Variants in CD74 observed in about 807,000 individuals in gnomAD.
CD74 encodes HLA class II histocompatibility antigen gamma chain.
A neutral mutation model predicts 37.1 loss-of-function variants in CD74; 20 were observed. The observed-to-expected ratio is 0.54, with a 90% CI of 0.38 to 0.78. The LOEUF (loss-of-function observed/expected upper bound fraction) is 0.78, where lower values mean the gene tolerates loss of function less well. CD74 is among the 30% of genes least tolerant of loss of function. The pLI is 0.00. For missense variants in CD74, 338 were observed against 389.5 expected (o/e 0.87, Z 1.11); for synonymous variants, 150 against 152.0 (o/e 0.99, Z 0.10).
In CD74 at chr5:150,403,413, C is replaced by T. The variant is rs1274689936; in HGVS notation, c.626-101G>A. 9.5e-7 allele frequency: 1 copy of T among 1,057,418 alleles called. No homozygotes were observed. Among genetic ancestry groups the T allele is most frequent in the Non-Finnish European group, 1.4e-6 (1 of 694,042 alleles). 65.5% of individuals were successfully genotyped at this position (1,057,418 alleles called of 1,614,324 possible). On this transcript the variant is annotated intron_variant, in intron 6 of 8. Transcript: ENST00000009530. This position sits in a 1 kb window ranked among gnomAD's most constrained non-coding sequence, Gnocchi z 4.5. Reference sequence around the variant, plus strand: ...ACACACCACTGCTGTGGGCTTAATGCCTTCTTCCCAAGTGGCTTTACTCAC... The same window carrying T: ...ACACACCACTGCTGTGGGCTTAATGTCTTCTTCCCAAGTGGCTTTACTCAC...
At position 150,406,247 on chromosome 5, in the gene CD74, C is replaced by A; in HGVS notation, c.441+12G>T. 6.2e-7 allele frequency: 1 copy of A among 1,611,708 alleles called. No individual in the cohort carries two copies. The highest frequency in any genetic ancestry group is 1.7e-5 in the Admixed American group (1 of 60,028). ...GGCAGGCAGGACCACCCAGCTAGCTCCCTGCACTCACCTGGAGCAGGTGCA... is the reference window on the plus strand; with the variant it reads ...GGCAGGCAGGACCACCCAGCTAGCTACCTGCACTCACCTGGAGCAGGTGCA... On this transcript the variant is annotated intron_variant, in intron 4 of 8. Transcript: ENST00000009530.
In CD74 at chr5:150,401,797, C is replaced by T; in HGVS notation, c.*443G>A. 1.6e-6 allele frequency: 1 copy of T among 618,296 alleles called. No homozygotes were observed. The highest frequency in any genetic ancestry group is 2.9e-6 in the Non-Finnish European group (1 of 345,262). 38.3% of individuals were successfully genotyped at this position (618,296 alleles called of 1,614,324 possible). A position where few individuals can be genotyped will look rare whatever the true frequency, so the allele number is the denominator to read the frequency against. Reference sequence around the variant, plus strand: ...ATGCTGGGGAAAGGGAAGAGAGTGGCTCAGCCTGCAGGTAAATAGGCTAGA... The same window carrying T: ...ATGCTGGGGAAAGGGAAGAGAGTGGTTCAGCCTGCAGGTAAATAGGCTAGA... On this transcript the variant is annotated 3_prime_UTR_variant, in exon 9 of 9. Coordinates refer to ENST00000009530, the MANE Select transcript of CD74 (RefSeq NM_001025159.3).
chr5:150,402,095 C>T lies in CD74; in HGVS notation c.*145G>A, dbSNP rs1769651558. On this transcript the variant is annotated 3_prime_UTR_variant, in exon 9 of 9. Coordinates refer to ENST00000009530, the MANE Select transcript of CD74 (RefSeq NM_001025159.3). This position sits in a 1 kb window ranked among gnomAD's most constrained non-coding sequence, Gnocchi z 4.2. The stretch of plus-strand genomic sequence containing the variant: ...GCTGTTCCGACTTGGTTTGTCTTGT[C>T]CAAGGGTGACGAAAGAGCCAGGCAC... 6.5e-7 allele frequency: 1 copy of T among 1,544,230 alleles called. No individual in the cohort carries two copies.
chr5:150,407,147 C>A lies in CD74; in HGVS notation c.298+5G>T. 6.2e-7 allele frequency: 1 copy of A among 1,612,684 alleles called. No homozygotes were observed. The highest frequency in any genetic ancestry group is 8.5e-7 in the Non-Finnish European group (1 of 1,179,238). ...GGGGGTATCAGGATGTAGGGGTGCA[C>A]GCACGCTTGGGAAGCTTCATGCGCA... On this transcript the variant is annotated splice_donor_5th_base_variant and intron_variant, in intron 2 of 8. Transcript: ENST00000009530. The surrounding 1 kb of genome is among the most constrained non-coding windows in gnomAD (Gnocchi z 4.4).
intron 1 of CD74, among the ~76,000 whole-genome samples, chr5:150,412,242 G>A (rs1428725744): frequency 6.6e-6 from 1 of 152,252 alleles, no homozygotes. Flanking sequence ...TGGGATTACA[G>A]GCGGGAGCCA....
chr5:150,410,147 G>A (rs1770256316), intron 1 of CD74, among the ~76,000 whole-genome samples: 1 of 152,094 alleles, frequency 6.6e-6, no homozygotes, highest in African/African-American at 2.4e-5. Context: ...AAGGAACACG[G>A]GTGGCCTAGC....
intron 4 of CD74, 83 bp downstream of exon 4, chr5:150,406,176 C>A: frequency 1.0e-6 from 1 of 964,940 alleles, no homozygotes; most frequent in Non-Finnish European, 1.7e-6. Flanking sequence ...CTGCCATGAG[C>A]CAGGTATACA....
At position 150,402,043 on chromosome 5, in the gene CD74, C is replaced by G; in HGVS notation, c.*197G>C. The G allele has an allele frequency of 6.5e-7, 1 of 1,537,144 alleles. No homozygotes were observed. The highest frequency in any genetic ancestry group is 8.7e-7 in the Non-Finnish European group (1 of 1,146,774). ...CCCCTGTTGACAGATGGAGATTGGG[C>G]AGCAGGGCCTTGCTGCATTGTTATC... On this transcript the variant is annotated 3_prime_UTR_variant, in exon 9 of 9. Transcript: ENST00000009530. This position sits in a 1 kb window ranked among gnomAD's most constrained non-coding sequence, Gnocchi z 4.2.
rs1769659147 is a variant in CD74, at chr5:150,402,159, G to T, written c.*81C>A. ...GATGAGGTACAGGGTGGGAGATGGGGGAGGGGCTGGGGGCTGAAGGGAGCA... is the reference window on the plus strand; with the variant it reads ...GATGAGGTACAGGGTGGGAGATGGGTGAGGGGCTGGGGGCTGAAGGGAGCA... On this transcript the variant is annotated 3_prime_UTR_variant, in exon 9 of 9. Transcript: ENST00000009530. The surrounding 1 kb of genome is among the most constrained non-coding windows in gnomAD (Gnocchi z 4.2). 6.4e-7 allele frequency: 1 copy of T among 1,559,174 alleles called. No individual in the cohort carries two copies. The highest frequency in any genetic ancestry group is 2.4e-5 in the East Asian group (1 of 42,318).
At chr5:150,412,518 G>A (rs1770404701) in intron 1 of CD74, 107 bp downstream of exon 1, 1 of 855,042 alleles carries the variant, frequency 1.2e-6, no homozygotes, top group South Asian at 1.4e-5. Context: ...TAGAGTCAGA[G>A]CCTGAATCCC....
chr5:150,407,047 A>G lies in CD74; in HGVS notation c.299-87T>C. ...CAGATGAGGAAGGGCTGGAATTCCA[A>G]ACCGGAGGGAGAGGACAGTGGGCCC... On this transcript the variant is annotated intron_variant, in intron 2 of 8. Transcript: ENST00000009530. This position sits in a 1 kb window ranked among gnomAD's most constrained non-coding sequence, Gnocchi z 4.4. The G allele has an allele frequency of 6.5e-7, 1 of 1,537,306 alleles. No individual in the cohort carries two copies. Among genetic ancestry groups the G allele is most frequent in the Non-Finnish European group, 8.9e-7 (1 of 1,124,858 alleles).
rs1005999191 is a variant in CD74, at chr5:150,411,547, G to C, written c.125+1078C>G. On this transcript the variant is annotated intron_variant, in intron 1 of 8. Coordinates refer to ENST00000009530, the MANE Select transcript of CD74 (RefSeq NM_001025159.3). ...ATCGCAAATTACTTTTTGGAGACTG[G>C]GGGTAGCAGGGGCATTGGGGTAATA... Among the ~76,000 whole-genome samples the C allele has an allele frequency of 6.6e-5, 10 of 152,314 alleles. No individual in the cohort carries two copies. In the South Asian group the frequency reaches 8.3e-4, roughly 13 times the overall value.
In CD74 at chr5:150,403,320, G is replaced by A. The variant is rs367746996; in HGVS notation, c.626-8C>T. 1.4e-5 allele frequency: 22 copies of A among 1,613,222 alleles called. No homozygotes were observed. The highest frequency in any genetic ancestry group is 1.0e-4 in the Admixed American group (6 of 59,996). ...CCTGGCACTTGGTCAGTACTGAAGC[G>A]ACAGGCATGATGAGGACACAGTGAG... On this transcript the variant is annotated splice_region_variant and splice_polypyrimidine_tract_variant and intron_variant, in intron 6 of 8. Transcript: ENST00000009530. The surrounding 1 kb of genome is among the most constrained non-coding windows in gnomAD (Gnocchi z 4.5).
chr5:150,409,850 C>T (rs2151184408), intron 1 of CD74, among the ~76,000 whole-genome samples: 1 of 151,728 alleles, frequency 6.6e-6, no homozygotes, highest in South Asian at 2.1e-4. Flanking sequence ...TAAAACAGAC[C>T]CATTGGGAAC....
intron 4 of CD74, 23 bp downstream of exon 4, chr5:150,406,236 C>G (rs768748299): frequency 6.2e-7 from 1 of 1,607,448 alleles, no homozygotes; most frequent in Non-Finnish European, 8.5e-7. Context: ...GGCAGGACCA[C>G]CCAGCTAGCT....
chr5:150,405,780 T>C (rs1769922920), intron 4 of CD74: 1 of 155,558 alleles, frequency 6.4e-6, no homozygotes, highest in Admixed American at 6.2e-5. Context: ...TTTATTTTAT[T>C]TTATTTTTTG....
At chr5:150,405,512 C>T in intron 4 of CD74, 1 of 924,342 alleles carries the variant, frequency 1.1e-6, no homozygotes, top group Non-Finnish European at 1.3e-6. Context: ...CTTGACTGCC[C>T]CCAGCTAGGT....
chr5:150,402,067 T>C lies in CD74; in HGVS notation c.*173A>G, dbSNP rs1769649280. ...GCAGCAGGGCCTTGCTGCATTGTTA[T>C]CTGCTGTTCCGACTTGGTTTGTCTT... is the stretch of plus-strand genomic sequence containing the variant. On this transcript the variant is annotated 3_prime_UTR_variant, in exon 9 of 9. Coordinates refer to ENST00000009530, the MANE Select transcript of CD74 (RefSeq NM_001025159.3). The surrounding 1 kb of genome is among the most constrained non-coding windows in gnomAD (Gnocchi z 4.2). 1 of 1,539,648 alleles carries C rather than the reference T, an allele frequency of 6.5e-7. No homozygotes were observed. Among genetic ancestry groups the C allele is most frequent in the South Asian group, 1.2e-5 (1 of 84,060 alleles).
At chr5:150,405,375 C>G in intron 4 of CD74, 195 bp from the exon 5 acceptor site, 2 of 1,286,852 alleles carry the variant, frequency 1.6e-6, no homozygotes, top group Non-Finnish European at 2.0e-6. Flanking sequence ...TGTTCAGCTA[C>G]GAGACTGCAG....
Sources: gnomAD v4.1 joint callset for allele counts (sites outside exome capture counted in the v4.1 genomes callset) on GRCh38, gnomAD v4.1.1 for gene constraint, Gnocchi (gnomAD v3.1) non-coding constraint, MANE v1.5 for transcripts, NCBI Gene and HGNC (gene_info 2026-07-23, HGNC 2026-07-21) for gene names.